Variants in TELO2 observed in about 807,000 individuals in gnomAD.
The protein encoded by TELO2 is telomere maintenance 2.
Under a neutral mutation model 91.0 loss-of-function variants are expected in TELO2, and 71 were observed. That is an observed-to-expected ratio of 0.78 (90% confidence interval 0.64 to 0.95). TELO2 has a LOEUF of 0.95. TELO2 is among the 40% of genes least tolerant of loss of function. The probability of loss-of-function intolerance (pLI) is 0.00; values close to 1 mark genes in which losing one functional copy is unlikely to be tolerated. For missense variants in TELO2, 1,183 were observed against 1,141.3 expected, an observed-to-expected ratio of 1.04 and a Z score of -0.53; for synonymous variants, 584 against 518.9, an observed-to-expected ratio of 1.13 and a Z score of -1.71.
intron 20 of TELO2, among the ~76,000 whole-genome samples, 158 bp downstream of exon 20, chr16:1,507,874 GTGTGTGTGTGTGTGTGTGTGA>G (rs2039967272): frequency 8.2e-6 from 1 of 122,654 alleles, no homozygotes; most frequent in African/African-American, 3.7e-5. Flanking sequence ...GTGTGTGTGT[GTGTGTGTGTGTGTGTGTGTGA>G]TGTGTGTCGG....
intron 15 of TELO2, among the ~76,000 whole-genome samples, chr16:1,504,789 C>T (rs533856039): frequency 1.1e-4 from 17 of 151,970 alleles, no homozygotes; most frequent in Non-Finnish European, 2.2e-4. Flanking sequence ...AATCTCCTGA[C>T]CTCGTGATCC....
At chr16:1,503,636 C>T (rs986860306) in intron 15 of TELO2, among the ~76,000 whole-genome samples, 1 of 152,148 alleles carries the variant, frequency 6.6e-6, no homozygotes, top group Non-Finnish European at 1.5e-5. Flanking sequence ...GTATATCGTT[C>T]GATTTCACTT....
Position 1,494,647 on chromosome 16 carries a change from C to T in TELO2, c.335+31C>T, listed in dbSNP as rs372171604. The T allele has an allele frequency of 4.3e-5, 68 of 1,588,374 alleles. No homozygotes were observed. Among genetic ancestry groups the T allele is most frequent in the East Asian group, 3.2e-4 (14 of 44,284 alleles). On this transcript the variant is annotated intron_variant, in intron 2 of 20. Coordinates refer to ENST00000262319, the MANE Select transcript of TELO2 (RefSeq NM_016111.4). The surrounding 1 kb of genome is among the most constrained non-coding windows in gnomAD (Gnocchi z 5.6). ...TGGGCTGGGCCCATCCTGGGGTTGC[C>T]GGTAGCCTCAGAAGTGATGAGAGTG... is the stretch of plus-strand genomic sequence containing the variant.
rs1377204044 is a variant in TELO2, at chr16:1,502,913, T to C, written c.1771-18T>C. ...CCTCAGGTCCCGGACCACAGCAGCC[T>C]CTCCCCTGTGTCCTCAGGTGGCCGA... On this transcript the variant is annotated intron_variant, in intron 14 of 20. Transcript: ENST00000262319. 3.1e-6 allele frequency: 5 copies of C among 1,609,826 alleles called. No individual in the cohort carries two copies. Among genetic ancestry groups the C allele is most frequent in the South Asian group, 1.1e-5 (1 of 91,086 alleles).
In TELO2 at chr16:1,499,154, G is replaced by A. The variant is rs550403947; in HGVS notation, c.831-77G>A. On this transcript the variant is annotated intron_variant, in intron 5 of 20. Coordinates refer to ENST00000262319, the MANE Select transcript of TELO2 (RefSeq NM_016111.4). ...GCCGGGAGTCAGGCCGCCGTCTGTG[G>A]GCATCGGAGTTCACGCTCTCGCTCC... 88 of 1,474,020 alleles carry A rather than the reference G, an allele frequency of 6.0e-5. No homozygotes were observed. In the South Asian group the frequency reaches 9.2e-4, roughly 15 times the overall value. The allele number at this position is 1,474,020 out of a possible 1,614,324, so 91.3% of individuals were successfully genotyped here. A position where few individuals can be genotyped will look rare whatever the true frequency, so the allele number is the denominator to read the frequency against.
Position 1,505,242 on chromosome 16 carries a change from G to A in TELO2, c.1843-168G>A, listed in dbSNP as rs1338812135. 6.7e-6 allele frequency: 5 copies of A among 745,430 alleles called. No homozygotes were observed. The highest frequency in any genetic ancestry group is 3.0e-5 in the Admixed American group (1 of 33,838). The allele number at this position is 745,430 out of a possible 1,614,324, so 46.2% of individuals were successfully genotyped here. A position where few individuals can be genotyped will look rare whatever the true frequency, so the allele number is the denominator to read the frequency against. ...CCCACCTTCCCGCCTACCAAGGCGC[G>A]GTTGCTGTGAGCTACGGGGAAGTGA... is the stretch of plus-strand genomic sequence containing the variant. On this transcript the variant is annotated intron_variant, in intron 15 of 20. Coordinates refer to ENST00000262319, the MANE Select transcript of TELO2 (RefSeq NM_016111.4). This position sits in a 1 kb window ranked among gnomAD's most constrained non-coding sequence, Gnocchi z 4.3.
chr16:1,508,697 G>A (rs774863082), intron 20 of TELO2, among the ~76,000 whole-genome samples: 2 of 152,210 alleles, frequency 1.3e-5, no homozygotes, highest in African/African-American at 2.4e-5. Context: ...CCACCTGGGC[G>A]CAGTGCCAGC....
rs987683547 is a variant in TELO2 at position 1,493,363 on chromosome 16, G to C, written c.-279G>C. 1.3e-5 allele frequency: 2 copies of C among 151,830 alleles called. No individual in the cohort carries two copies. The highest frequency in any genetic ancestry group is 2.9e-5 in the Non-Finnish European group (2 of 67,904). 9.4% of individuals were successfully genotyped at this position (151,830 alleles called of 1,614,324 possible). On this transcript the variant is annotated 5_prime_UTR_variant, in exon 1 of 21. Coordinates refer to ENST00000262319, the MANE Select transcript of TELO2 (RefSeq NM_016111.4). The surrounding 1 kb of genome is among the most constrained non-coding windows in gnomAD (Gnocchi z 4.3). Reference sequence around the variant, plus strand: ...CCCGTCCCCGCGCAGCGCAGGCGCAGATGCGCCCTCCCGCCTGGCGTCCTC... The same window carrying C: ...CCCGTCCCCGCGCAGCGCAGGCGCACATGCGCCCTCCCGCCTGGCGTCCTC...
At position 1,506,234 on chromosome 16, in the gene TELO2, G is replaced by T; in HGVS notation, c.2035-4G>T. The T allele has an allele frequency of 6.2e-7, 1 of 1,613,444 alleles. No individual in the cohort carries two copies. ...TCCGTGATCGCTGTAGTTGTGTCTG[G>T]CAGGGTGGCCCGAGGCAGGGCCCGG... On this transcript the variant is annotated splice_region_variant and splice_polypyrimidine_tract_variant and intron_variant, in intron 16 of 20. Coordinates refer to ENST00000262319, the MANE Select transcript of TELO2 (RefSeq NM_016111.4).
chr16:1,496,294 G>T (rs188854189), intron 3 of TELO2, among the ~76,000 whole-genome samples: 1 of 152,344 alleles, frequency 6.6e-6, no homozygotes, highest in Non-Finnish European at 1.5e-5. Flanking sequence ...CCCCCTCAGA[G>T]CCCAGGAGGA....
chr16:1,496,806 G>A (rs1179966536), intron 3 of TELO2, among the ~76,000 whole-genome samples: 1 of 152,210 alleles, frequency 6.6e-6, no homozygotes, highest in Non-Finnish European at 1.5e-5. Flanking sequence ...CCATCGTGAC[G>A]ATTAAGTGGG....
Position 1,505,534 on chromosome 16 carries a change from C to T in TELO2, c.1967C>T (p.Ala656Val). Residue 656 changes from alanine to valine, a missense_variant, in exon 16 of 21, where the codon GCC becomes GTC. Coordinates refer to ENST00000262319, the MANE Select transcript of TELO2 (RefSeq NM_016111.4). The surrounding 1 kb of genome is among the most constrained non-coding windows in gnomAD (Gnocchi z 4.3). Reference sequence around the variant, plus strand: ...GCAGCCGTCTCTCAGCCTGGCAGTGCCGTGGCGTCTGACTGGCGGGTGGTG... The same window carrying T: ...GCAGCCGTCTCTCAGCCTGGCAGTGTCGTGGCGTCTGACTGGCGGGTGGTG... ...PEAAVSQPGSAVASDWRVVVE... is the reference protein window; with the variant it reads ...PEAAVSQPGSVVASDWRVVVE... 1 of 1,613,108 alleles carries T rather than the reference C, an allele frequency of 6.2e-7. No individual in the cohort carries two copies. Among genetic ancestry groups the T allele is most frequent in the East Asian group, 2.2e-5 (1 of 44,870 alleles).
intron 15 of TELO2, 85 bp downstream of exon 15, chr16:1,503,087 C>A: frequency 6.6e-7 from 1 of 1,505,232 alleles, no homozygotes; most frequent in Non-Finnish European, 9.1e-7. Flanking sequence ...CTCCTTGTTG[C>A]TGGGCCCCAA....
In TELO2 at chr16:1,494,625, G is replaced by C. The variant is rs1211585645; in HGVS notation, c.335+9G>C. 6.2e-7 allele frequency: 1 copy of C among 1,607,664 alleles called. No homozygotes were observed. The highest frequency in any genetic ancestry group is 1.1e-5 in the South Asian group (1 of 90,698). On this transcript the variant is annotated intron_variant, in intron 2 of 20. Coordinates refer to ENST00000262319, the MANE Select transcript of TELO2 (RefSeq NM_016111.4). The surrounding 1 kb of genome is among the most constrained non-coding windows in gnomAD (Gnocchi z 5.6). The stretch of plus-strand genomic sequence containing the variant: ...ATCGAGGGTGCTGCGGGGTGAGTGG[G>C]CTGGGCCCATCCTGGGGTTGCCGGT...
Position 1,495,144 on chromosome 16 carries a change from G to C in TELO2, c.336-202G>C, listed in dbSNP as rs372767428. Among the ~76,000 whole-genome samples, 4 of 152,380 alleles carry C rather than the reference G, an allele frequency of 2.6e-5. No homozygotes were observed. The South Asian group carries it at 8.3e-4, about 32-fold the overall frequency. On this transcript the variant is annotated intron_variant, in intron 2 of 20. Transcript: ENST00000262319. ...GACTCCAGGTTGGGGAAGCCGCTCA[G>C]GGCCCCGAGAGCTCTCACACAGTAA...
chr16:1,509,653 G>A (rs1415062719), intron 20 of TELO2, among the ~76,000 whole-genome samples, 177 bp from the exon 21 acceptor site: 1 of 152,252 alleles, frequency 6.6e-6, no homozygotes, highest in Non-Finnish European at 1.5e-5. Flanking sequence ...CCTGCACAGA[G>A]CCTGTGGCAT....
At chr16:1,504,930 C>T (rs1332382973) in intron 15 of TELO2, among the ~76,000 whole-genome samples, 1 of 152,156 alleles carries the variant, frequency 6.6e-6, no homozygotes, top group Non-Finnish European at 1.5e-5. Context: ...CCATCCCTGT[C>T]AGCAGTCGCC....
At chr16:1,503,627 T>C (rs977619596) in intron 15 of TELO2, among the ~76,000 whole-genome samples, 1 of 152,184 alleles carries the variant, frequency 6.6e-6, no homozygotes, top group Non-Finnish European at 1.5e-5. Flanking sequence ...CCAGGGCCTG[T>C]ATATCGTTCG....
intron 17 of TELO2, chr16:1,506,592 G>T: frequency 7.1e-7 from 1 of 1,401,610 alleles, no homozygotes; most frequent in South Asian, 1.5e-5. Flanking sequence ...GCACGTGCCC[G>T]ACGCCATCAC....
Sources: gnomAD v4.1 joint callset for allele counts (sites outside exome capture counted in the v4.1 genomes callset) on GRCh38, gnomAD v4.1.1 for gene constraint, Gnocchi (gnomAD v3.1) non-coding constraint, MANE v1.5 for transcripts, NCBI Gene and HGNC (gene_info 2026-07-23, HGNC 2026-07-21) for gene names.